Variants in TBX20 observed in about 807,000 individuals in gnomAD.
TBX20 encodes the protein T-box transcription factor 20.
A neutral mutation model predicts 42.9 loss-of-function variants in TBX20; 8 were observed. The ratio of observed to expected loss-of-function variants is 0.19; its 90% CI spans 0.11 to 0.34. TBX20 has a LOEUF of 0.34. Among genes scored for constraint, TBX20 ranks in the 10% least tolerant of loss-of-function variants. TBX20 has a pLI of 1.00. For synonymous variants in TBX20, 198 were observed against 222.8 expected (o/e 0.89, Z 0.99); for missense variants, 411 against 566.0 (o/e 0.73, Z 2.78).
At chr7:35,244,439 A>G (rs1790141745) in intron 4 of TBX20, among the ~76,000 whole-genome samples, 1 of 152,174 alleles carries the variant, frequency 6.6e-6, no homozygotes, top group African/African-American at 2.4e-5. Flanking sequence ...AAATGGTTAC[A>G]TAATGAGTAA....
At chr7:35,205,265 C>T (rs1789381546) in intron 6 of TBX20, among the ~76,000 whole-genome samples, 1 of 151,874 alleles carries the variant, frequency 6.6e-6, no homozygotes, top group African/African-American at 2.4e-5. Context: ...GGTCTTCCTC[C>T]TGTAACATAG....
At chr7:35,230,051 C>T (rs1789841932) in intron 6 of TBX20, among the ~76,000 whole-genome samples, 2 of 152,104 alleles carry the variant, frequency 1.3e-5, no homozygotes, top group South Asian at 4.1e-4. Context: ...ACGACACACA[C>T]TATAAAAACG....
chr7:35,216,504 A>C (rs1789592615), intron 6 of TBX20, among the ~76,000 whole-genome samples: 1 of 152,296 alleles, frequency 6.6e-6, no homozygotes, highest in African/African-American at 2.4e-5. Flanking sequence ...GTGAATTAAT[A>C]CACAGAGAGC....
chr7:35,214,702 T>C (rs1294233935), intron 6 of TBX20, among the ~76,000 whole-genome samples: 1 of 152,212 alleles, frequency 6.6e-6, no homozygotes, highest in East Asian at 1.9e-4. Context: ...GAAAGTCAAG[T>C]GAGCTGAGCA....
chr7:35,217,662 T>C (rs1364372996), intron 6 of TBX20, among the ~76,000 whole-genome samples: 1 of 152,234 alleles, frequency 6.6e-6, no homozygotes, highest in Non-Finnish European at 1.5e-5. Flanking sequence ...CCATTCCTTC[T>C]TTCTTACTGT....
chr7:35,250,510 T>C (rs939919067), intron 1 of TBX20, among the ~76,000 whole-genome samples: 20 of 152,230 alleles, frequency 1.3e-4, no homozygotes, highest in Admixed American at 1.3e-3. Context: ...GTGATGATCA[T>C]GAGGGATGAA....
chr7:35,203,489 C>T (rs1024974283), intron 7 of TBX20, among the ~76,000 whole-genome samples: 6 of 151,900 alleles, frequency 3.9e-5, no homozygotes, highest in African/African-American at 1.5e-4. Flanking sequence ...TGATCCACTT[C>T]CACTTAAGGA....
intron 5 of TBX20, among the ~76,000 whole-genome samples, chr7:35,239,250 C>T (rs1790027985): frequency 6.6e-6 from 1 of 152,160 alleles, no homozygotes; most frequent in Non-Finnish European, 1.5e-5. Flanking sequence ...TTCATCTTGC[C>T]TTTCCCGAGG....
intron 3 of TBX20, 68 bp from the exon 4 acceptor site, chr7:35,245,125 G>A (rs1409169522): frequency 1.7e-6 from 2 of 1,179,310 alleles, no homozygotes; most frequent in Non-Finnish European, 2.5e-6. Flanking sequence ...GTTATAAAAT[G>A]TTCTAATTCT....
At chr7:35,223,089 A>G (rs1236161940) in intron 6 of TBX20, among the ~76,000 whole-genome samples, 1 of 146,592 alleles carries the variant, frequency 6.8e-6, no homozygotes, top group Non-Finnish European at 1.5e-5. Context: ...ACTCCTCTGG[A>G]CTAGAAGGAT....
chr7:35,227,743 G>A (rs1381727213), intron 6 of TBX20, among the ~76,000 whole-genome samples: 1 of 152,060 alleles, frequency 6.6e-6, no homozygotes, highest in Non-Finnish European at 1.5e-5. Flanking sequence ...CTTACATGAG[G>A]TACCCAGACT....
At position 35,254,058 on chromosome 7, in the gene TBX20, A is replaced by G. The variant is rs2128716697; in HGVS notation, c.-438T>C. The G allele has an allele frequency of 6.4e-6, 1 of 156,496 alleles. No individual in the cohort carries two copies. The highest frequency in any genetic ancestry group is 2.4e-5 in the African/African-American group (1 of 41,650). 9.7% of individuals were successfully genotyped at this position (156,496 alleles called of 1,614,324 possible). ...CCACCAGCCGAGCGCGGCTGCTAGG[A>G]CGCTGGCGTGGGGAGCGCGGCGCGG... On this transcript the variant is annotated 5_prime_UTR_variant, in exon 1 of 8. Coordinates refer to ENST00000408931, the MANE Select transcript of TBX20 (RefSeq NM_001077653.2).
rs1261904768 is a variant in TBX20, at chr7:35,249,313, ATTT to A, written c.381-475_381-473del. ...AGGATTTCTCAGATGCCCTGCAGGT[ATTT>A]TCTGTAGTCCCAAGAGCTAGAGCCA... On this transcript the variant is annotated intron_variant, in intron 2 of 7. Transcript: ENST00000408931. The surrounding 1 kb of genome is among the most constrained non-coding windows in gnomAD (Gnocchi z 4.3). 2.0e-5 allele frequency among the ~76,000 whole-genome samples: 3 copies of A among 152,174 alleles called. No homozygotes were observed. The highest frequency in any genetic ancestry group is 2.0e-4 in the Admixed American group (3 of 15,300).
At chr7:35,213,730 A>G (rs1789535057) in intron 6 of TBX20, among the ~76,000 whole-genome samples, 1 of 152,116 alleles carries the variant, frequency 6.6e-6, no homozygotes, top group Non-Finnish European at 1.5e-5. Flanking sequence ...GTGATCATCT[A>G]CAACCATTTT....
In TBX20 at chr7:35,249,196, C is replaced by A. The variant is rs1331884637; in HGVS notation, c.381-355G>T. Among the ~76,000 whole-genome samples the A allele has an allele frequency of 1.3e-5, 2 of 152,186 alleles. No individual in the cohort carries two copies. The highest frequency in any genetic ancestry group is 2.4e-5 in the African/African-American group (1 of 41,452). On this transcript the variant is annotated intron_variant, in intron 2 of 7. Coordinates refer to ENST00000408931, the MANE Select transcript of TBX20 (RefSeq NM_001077653.2). The surrounding 1 kb of genome is among the most constrained non-coding windows in gnomAD (Gnocchi z 4.3). ...ATTAAGTGTCCCAGGACCCGAAGTC[C>A]CTGGAGCTGACCCAGTCACACAACT...
At chr7:35,226,862 C>CA (rs562808802) in intron 6 of TBX20, among the ~76,000 whole-genome samples, 63 of 143,980 alleles carry the variant, frequency 4.4e-4, no homozygotes, top group South Asian at 4.2e-3. Flanking sequence ...TTCTACTTAT[C>CA]AAAAAAAAAA....
At chr7:35,214,869 T>G (rs915236119) in intron 6 of TBX20, among the ~76,000 whole-genome samples, 1 of 152,188 alleles carries the variant, frequency 6.6e-6, no homozygotes, top group African/African-American at 2.4e-5. Context: ...TGGAAGATAT[T>G]TTTTGTACAT....
At chr7:35,207,049 G>T (rs145619692) in intron 6 of TBX20, among the ~76,000 whole-genome samples, 3,165 of 152,216 alleles carry the variant, frequency 0.021, 109 homozygotes, top group African/African-American at 0.071. Context: ...AGGATGAAAT[G>T]ACTAAATTGC....
intron 5 of TBX20, among the ~76,000 whole-genome samples, chr7:35,235,099 A>G (rs1036354043): frequency 2.6e-5 from 4 of 152,086 alleles, no homozygotes; most frequent in Non-Finnish European, 4.4e-5. Context: ...TTTACAGGAA[A>G]AGCATTTCAC....
Sources: allele counts gnomAD v4.1 joint callset (sites outside exome capture counted in the v4.1 genomes callset), GRCh38; gene constraint gnomAD v4.1.1; non-coding constraint Gnocchi (gnomAD v3.1); transcripts MANE v1.5; gene names NCBI Gene and HGNC (gene_info 2026-07-23, HGNC 2026-07-21).